TBC1D2B: variants seen among roughly 807,000 people sequenced by gnomAD.
The protein encoded by TBC1D2B is TBC1 domain family, member 2B.
TBC1D2B carries 64 observed loss-of-function variants against 100.8 expected under a neutral mutation model. The ratio of observed to expected loss-of-function variants is 0.64; its 90% CI spans 0.52 to 0.78. The LOEUF is 0.78. Ranked by LOEUF, TBC1D2B falls within the 30% of genes least tolerant of loss-of-function variation. TBC1D2B has a pLI of 0.00. For synonymous variants in TBC1D2B, 480 were observed against 479.7 expected, an observed-to-expected ratio of 1.00 and a Z score of -0.01; for missense variants, 1,052 against 1,218.4, an observed-to-expected ratio of 0.86 and a Z score of 2.03.
At chr15:78,067,637 C>A (rs1014273285) in intron 1 of TBC1D2B, among the ~76,000 whole-genome samples, 15 of 152,262 alleles carry the variant, frequency 9.9e-5, no homozygotes, top group African/African-American at 3.4e-4. Flanking sequence ...CAGGGGCAGT[C>A]TGCTCAAGGA....
At chr15:78,021,004 A>G (rs1196863820) in intron 6 of TBC1D2B, among the ~76,000 whole-genome samples, 1 of 152,260 alleles carries the variant, frequency 6.6e-6, no homozygotes, top group Non-Finnish European at 1.5e-5. Flanking sequence ...GAACAATCCG[A>G]AAGTCCATAC....
At chr15:78,047,331 C>G (rs1194910485) in intron 2 of TBC1D2B, among the ~76,000 whole-genome samples, 1 of 151,992 alleles carries the variant, frequency 6.6e-6, no homozygotes, top group Non-Finnish European at 1.5e-5. Flanking sequence ...CACTAGGCAC[C>G]GAGGGCACAA....
chr15:78,024,041 AAAT>A, intron 6 of TBC1D2B, 112 bp downstream of exon 6: 4 of 1,356,528 alleles, frequency 2.9e-6, no homozygotes, highest in Admixed American at 5.7e-5. Flanking sequence ...TGGGGAAAAA[AAAT>A]AAGTGTGCAG....
At chr15:78,034,910 T>C (rs1478095276) in intron 3 of TBC1D2B, among the ~76,000 whole-genome samples, 2 of 152,234 alleles carry the variant, frequency 1.3e-5, no homozygotes, top group Admixed American at 6.5e-5. Flanking sequence ...CTGTCTGCTC[T>C]GGCCCACAGA....
chr15:78,040,328 G>T (rs977461577), intron 3 of TBC1D2B, among the ~76,000 whole-genome samples: 2 of 152,164 alleles, frequency 1.3e-5, no homozygotes, highest in East Asian at 3.9e-4. Flanking sequence ...ACCTGTAAAG[G>T]TGTATGTAAA....
chr15:78,001,580 C>T (rs879647452), intron 12 of TBC1D2B, 39 bp downstream of exon 12: 2 of 1,581,456 alleles, frequency 1.3e-6, no homozygotes, highest in Middle Eastern at 1.7e-4. Context: ...GGTCAGGCTT[C>T]CTGCTCTCCT....
chr15:78,071,811 C>T (rs1016087690), intron 1 of TBC1D2B, among the ~76,000 whole-genome samples: 1 of 152,154 alleles, frequency 6.6e-6, no homozygotes, highest in Admixed American at 6.5e-5. Flanking sequence ...TTACCTTAGT[C>T]GGTTCAGGCT....
intron 3 of TBC1D2B, among the ~76,000 whole-genome samples, chr15:78,031,967 A>T (rs2072826568): frequency 6.6e-6 from 1 of 152,210 alleles, no homozygotes; most frequent in African/African-American, 2.4e-5. Flanking sequence ...GGAGCCCAGC[A>T]TCTCTCTGAG....
At chr15:78,027,204 T>C (rs1345933382) in intron 4 of TBC1D2B, among the ~76,000 whole-genome samples, 1 of 152,142 alleles carries the variant, frequency 6.6e-6, no homozygotes, top group African/African-American at 2.4e-5. Context: ...CCTGCACTGT[T>C]AGGAATCAGT....
chr15:78,003,942 T>C (rs1457577725), intron 10 of TBC1D2B, among the ~76,000 whole-genome samples: 2 of 152,064 alleles, frequency 1.3e-5, no homozygotes, highest in Non-Finnish European at 2.9e-5. Context: ...TCAACAAACA[T>C]TTGCTGGGCT....
chr15:78,066,576 G>T (rs888679410), intron 1 of TBC1D2B, among the ~76,000 whole-genome samples: 2 of 152,192 alleles, frequency 1.3e-5, no homozygotes. Context: ...GAACCCAGGA[G>T]GAGTCTTTTC....
chr15:78,074,868 C>A (rs757379094), intron 1 of TBC1D2B, among the ~76,000 whole-genome samples: 7 of 152,200 alleles, frequency 4.6e-5, no homozygotes, highest in African/African-American at 1.7e-4. Context: ...TTTACTACTG[C>A]ATAATATTCC....
In TBC1D2B at chr15:78,025,349, G is replaced by A; in HGVS notation, c.996C>T (p.Ser332=). ...GCATTTCGGAGGCCGGCTTCCTGAT[G>A]CTGACGCTGCCACTGCCTGATGTGC... ...SEGTSGSGSV[S]IRKPASEMQL... is the part of the protein sequence containing the mutation. Residue 332 remains serine (S), a synonymous_variant, in exon 5 of 13, where the codon AGC becomes AGT. Transcript: ENST00000300584. 1 of 1,613,902 alleles carries A rather than the reference G, an allele frequency of 6.2e-7. No homozygotes were observed. Among genetic ancestry groups the A allele is most frequent in the Admixed American group, 1.7e-5 (1 of 59,998 alleles).
At position 77,998,527 on chromosome 15, in the gene TBC1D2B, C is replaced by T. The variant is rs1443246334; in HGVS notation, c.2697-172G>A. On this transcript the variant is annotated intron_variant, in intron 12 of 12. Coordinates refer to ENST00000300584, the MANE Select transcript of TBC1D2B (RefSeq NM_144572.2). ...CCTTCTGTAGAGAGGTGACAAAGCACAATGGCCCAGCCAGGGGCAGGCTCA... is the reference window on the plus strand; with the variant it reads ...CCTTCTGTAGAGAGGTGACAAAGCATAATGGCCCAGCCAGGGGCAGGCTCA... 6 of 566,290 alleles carry T rather than the reference C, an allele frequency of 1.1e-5. No individual in the cohort carries two copies. In the South Asian group the frequency reaches 1.2e-4, roughly 12 times the overall value. 35.1% of individuals were successfully genotyped at this position (566,290 alleles called of 1,614,324 possible). A position where few individuals can be genotyped will look rare whatever the true frequency, so the allele number is the denominator to read the frequency against.
chr15:77,998,455 G>C (rs1387482853), intron 12 of TBC1D2B, 100 bp from the exon 13 acceptor site: 2 of 1,154,490 alleles, frequency 1.7e-6, no homozygotes, highest in East Asian at 5.5e-5. Flanking sequence ...GGCAGGGTGG[G>C]AAGAGCGCTG....
At chr15:78,063,043 C>T (rs183825993) in intron 1 of TBC1D2B, among the ~76,000 whole-genome samples, 2 of 152,294 alleles carry the variant, frequency 1.3e-5, no homozygotes, top group Admixed American at 1.3e-4. Flanking sequence ...AATTAGTTAA[C>T]ATGTGTTAAG....
chr15:78,062,588 A>G (rs4886999), intron 1 of TBC1D2B, among the ~76,000 whole-genome samples: 82,126 of 152,086 alleles, frequency 0.54, 22,877 homozygotes, highest in East Asian at 0.63. Flanking sequence ...CACCAGAAAT[A>G]ACCTCCATCA....
intron 2 of TBC1D2B, among the ~76,000 whole-genome samples, chr15:78,050,551 T>C (rs1354000038): frequency 1.3e-5 from 2 of 152,254 alleles, no homozygotes; most frequent in East Asian, 3.8e-4. Context: ...CTTTGGGTTC[T>C]AGCTACCTCA....
chr15:78,057,522 C>T (rs1227758969), intron 1 of TBC1D2B, among the ~76,000 whole-genome samples: 1 of 151,886 alleles, frequency 6.6e-6, no homozygotes, highest in African/African-American at 2.4e-5. Context: ...GGTGGGTGCC[C>T]GTAATCCCAG....
Sources: allele counts gnomAD v4.1 joint callset (sites outside exome capture counted in the v4.1 genomes callset), GRCh38; gene constraint gnomAD v4.1.1; transcripts MANE v1.5; gene names NCBI Gene and HGNC (gene_info 2026-07-23, HGNC 2026-07-21).